MFHAS1: variants seen among roughly 807,000 people sequenced by gnomAD.
MFHAS1 encodes malignant fibrous histiocytoma-amplified sequence 1.
In MFHAS1, 50 loss-of-function variants were observed where a neutral mutation model predicts 70.4. The ratio of observed to expected loss-of-function variants is 0.71; its 90% CI spans 0.57 to 0.90. The LOEUF (loss-of-function observed/expected upper bound fraction) is 0.90. MFHAS1 is among the 40% of genes least tolerant of loss of function. The pLI is 0.00. For missense variants in MFHAS1, 1,795 were observed against 1,347.6 expected (o/e 1.33, Z -5.20); for synonymous variants, 952 against 620.0 (o/e 1.54, Z -7.96).
intron 1 of MFHAS1, among the ~76,000 whole-genome samples, chr8:8,841,915 G>C (rs752085294): frequency 7.2e-5 from 11 of 152,194 alleles, no homozygotes; most frequent in Admixed American, 2.0e-4. Context: ...TTTAAAGAAA[G>C]AGGGATGTGT....
At position 8,890,613 on chromosome 8, in the gene MFHAS1, C is replaced by A; in HGVS notation, c.2446G>T (p.Asp816Tyr). 6.2e-7 allele frequency: 1 copy of A among 1,613,956 alleles called. No individual in the cohort carries two copies. Among genetic ancestry groups the A allele is most frequent in the South Asian group, 1.1e-5 (1 of 91,088 alleles). The change falls in exon 1 of 3, where the codon GAC becomes TAC. Residue 816 changes from aspartate to tyrosine, a missense_variant. By Grantham distance (160) the Asp-to-Tyr change is radical. Coordinates refer to ENST00000276282, the MANE Select transcript of MFHAS1 (RefSeq NM_004225.3). Reference protein sequence around the residue: ...LLKPHVQAQQDLQLLLELLEK... With the variant: ...LLKPHVQAQQYLQLLLELLEK... ...AGCAGCTCCAGCAACAGCTGCAAGT[C>A]CTGCTGGGCCTGGACATGAGGCTTA...
intron 1 of MFHAS1, among the ~76,000 whole-genome samples, chr8:8,863,725 C>G (rs967454568): frequency 1.3e-5 from 2 of 152,164 alleles, no homozygotes; most frequent in African/African-American, 4.8e-5. Flanking sequence ...GAGTCTGGCC[C>G]TTACCTGTAA....
chr8:8,791,160 C>T (rs1184356141), intron 2 of MFHAS1, among the ~76,000 whole-genome samples: 1 of 139,248 alleles, frequency 7.2e-6, no homozygotes, highest in Non-Finnish European at 1.5e-5. Flanking sequence ...TCTGTTAACA[C>T]ATGATCAGCC....
intron 1 of MFHAS1, among the ~76,000 whole-genome samples, chr8:8,836,641 G>A (rs1239110536): frequency 6.6e-6 from 1 of 152,190 alleles, no homozygotes; most frequent in Non-Finnish European, 1.5e-5. Flanking sequence ...GTCTCCCAAA[G>A]TGTTGAGATT....
chr8:8,836,706 G>A lies in MFHAS1; in HGVS notation c.2999-39215C>T, dbSNP rs541169499. Among the ~76,000 whole-genome samples the A allele has an allele frequency of 3.3e-5, 5 of 152,194 alleles. No individual in the cohort carries two copies. The South Asian group carries it at 6.2e-4, about 19-fold the overall frequency. ...CACTTTTCCTTTTTGAACACTTCCTGGTATCTCCATTCATCTCTATCCATG... is the reference window on the plus strand; with the variant it reads ...CACTTTTCCTTTTTGAACACTTCCTAGTATCTCCATTCATCTCTATCCATG... On this transcript the variant is annotated intron_variant, in intron 1 of 2. Coordinates refer to ENST00000276282, the MANE Select transcript of MFHAS1 (RefSeq NM_004225.3).
chr8:8,830,784 G>C (rs566884437), intron 1 of MFHAS1, among the ~76,000 whole-genome samples: 5 of 152,262 alleles, frequency 3.3e-5, no homozygotes, highest in Admixed American at 3.3e-4. Context: ...TTTTAGTAGA[G>C]GCGGAGTTTT....
chr8:8,888,003 G>T (rs1261773131), intron 1 of MFHAS1, among the ~76,000 whole-genome samples: 1 of 152,180 alleles, frequency 6.6e-6, no homozygotes, highest in African/African-American at 2.4e-5. Context: ...ATGGCTTCAG[G>T]TTGCTCCTTC....
In MFHAS1 at chr8:8,890,846, T is replaced by C. The variant is rs765905032; in HGVS notation, c.2213A>G (p.Asn738Ser). 5 of 1,613,992 alleles carry C rather than the reference T, an allele frequency of 3.1e-6. No homozygotes were observed. Among genetic ancestry groups the C allele is most frequent in the Non-Finnish European group, 4.2e-6 (5 of 1,180,012 alleles). The change falls in exon 1 of 3, where the codon AAT becomes AGT. Residue 738 changes from asparagine to serine, a missense_variant. Asn to Ser is a conservative substitution (Grantham distance 46). Coordinates refer to ENST00000276282, the MANE Select transcript of MFHAS1 (RefSeq NM_004225.3). The stretch of plus-strand genomic sequence containing the variant: ...AGAGGGATCCCTCTGGAAGAAGACA[T>C]TGAGGATGTCGATGAGGCGGGTGAG... ...HNLTRLIDILNVFFQRDPSLL... is the reference protein window; with the variant it reads ...HNLTRLIDILSVFFQRDPSLL...
intron 1 of MFHAS1, among the ~76,000 whole-genome samples, chr8:8,825,268 G>A (rs559656509): frequency 2.2e-4 from 34 of 152,300 alleles, no homozygotes; most frequent in African/African-American, 8.2e-4. Context: ...CGCCTCCCGG[G>A]TTCAAGGAAT....
intron 1 of MFHAS1, among the ~76,000 whole-genome samples, chr8:8,874,694 T>C (rs1313556556): frequency 1.3e-5 from 2 of 151,632 alleles, no homozygotes; most frequent in East Asian, 3.9e-4. Flanking sequence ...GTCACCTCTG[T>C]ATTTAGAAAA....
chr8:8,870,694 C>A (rs1476811028), intron 1 of MFHAS1, among the ~76,000 whole-genome samples: 1 of 152,188 alleles, frequency 6.6e-6, no homozygotes, highest in African/African-American at 2.4e-5. Context: ...CCTCTCCGAG[C>A]CCCTGGAGAT....
At chr8:8,803,391 C>A (rs908117789) in intron 1 of MFHAS1, among the ~76,000 whole-genome samples, 3 of 151,700 alleles carry the variant, frequency 2.0e-5, no homozygotes, top group Non-Finnish European at 4.4e-5. Flanking sequence ...GTGGTAGGCA[C>A]CTGTAATCCC....
intron 1 of MFHAS1, among the ~76,000 whole-genome samples, chr8:8,866,150 G>T: frequency 6.6e-6 from 1 of 152,038 alleles, no homozygotes; most frequent in East Asian, 1.9e-4. Context: ...ACAGGGCCTG[G>T]GAACCTAGGA....
At chr8:8,812,112 C>T (rs10503390) in intron 1 of MFHAS1, among the ~76,000 whole-genome samples, 27,057 of 152,158 alleles carry the variant, frequency 0.18, 4,227 homozygotes, top group African/African-American at 0.42. Context: ...GCGGCGACTC[C>T]AATGCCAACC....
intron 1 of MFHAS1, among the ~76,000 whole-genome samples, chr8:8,836,993 C>A (rs1807620248): frequency 6.6e-6 from 1 of 152,282 alleles, no homozygotes; most frequent in Non-Finnish European, 1.5e-5. Context: ...TAGTTTCATG[C>A]AAAAGAGATT....
chr8:8,872,577 C>G lies in MFHAS1; in HGVS notation c.2998+17484G>C, dbSNP rs1387564306. On this transcript the variant is annotated intron_variant, in intron 1 of 2. Transcript: ENST00000276282. Reference sequence around the variant, plus strand: ...TGCTATTTGGGTAAGCTTTTAATGCCGCACCACATTACACAGAGGAGGCTC... The same window carrying G: ...TGCTATTTGGGTAAGCTTTTAATGCGGCACCACATTACACAGAGGAGGCTC... Among the ~76,000 whole-genome samples, 4 of 152,004 alleles carry G rather than the reference C, an allele frequency of 2.6e-5. No homozygotes were observed. In the East Asian group the frequency reaches 7.7e-4, roughly 29 times the overall value.
chr8:8,822,594 G>C (rs1457981073), intron 1 of MFHAS1, among the ~76,000 whole-genome samples: 1 of 150,316 alleles, frequency 6.7e-6, no homozygotes, highest in Non-Finnish European at 1.5e-5. Context: ...GACCAAATCA[G>C]GGGGAATGAG....
intron 1 of MFHAS1, among the ~76,000 whole-genome samples, chr8:8,819,991 C>T (rs984396829): frequency 1.3e-5 from 2 of 152,184 alleles, no homozygotes; most frequent in African/African-American, 4.8e-5. Flanking sequence ...AGCCACCACA[C>T]CCAGTCTATA....
intron 1 of MFHAS1, among the ~76,000 whole-genome samples, chr8:8,820,571 T>C (rs372461125): frequency 6.6e-6 from 1 of 152,170 alleles, no homozygotes; most frequent in South Asian, 2.1e-4. Context: ...TAGACTAATA[T>C]CATGAATTTT....
Sources: allele counts gnomAD v4.1 joint callset (sites outside exome capture counted in the v4.1 genomes callset), GRCh38; gene constraint gnomAD v4.1.1; transcripts MANE v1.5; gene names NCBI Gene and HGNC (gene_info 2026-07-23, HGNC 2026-07-21).